ITGA8: variants seen among roughly 807,000 people sequenced by gnomAD.
ITGA8 encodes integrin alpha-8.
In ITGA8, 91 loss-of-function variants were observed where a neutral mutation model predicts 142.3. That is an observed-to-expected ratio of 0.64 (90% confidence interval 0.54 to 0.76). ITGA8 has a LOEUF of 0.76. Ranked by LOEUF, ITGA8 falls within the 30% of genes least tolerant of loss-of-function variation. The pLI is 0.00. For synonymous variants in ITGA8, 505 were observed against 485.2 expected (o/e 1.04, Z -0.54); for missense variants, 1,406 against 1,327.7 (o/e 1.06, Z -0.92).
intron 4 of ITGA8, 119 bp downstream of exon 4, chr10:15,683,885 G>A (rs1242652005): frequency 9.2e-6 from 11 of 1,195,072 alleles, no homozygotes; most frequent in Middle Eastern, 2.0e-4. Context: ...ACCTACCCCC[G>A]AAGCTTTTTC....
chr10:15,562,824 G>T (rs1834008078), intron 25 of ITGA8, among the ~76,000 whole-genome samples: 1 of 152,100 alleles, frequency 6.6e-6, no homozygotes, highest in Non-Finnish European at 1.5e-5. Context: ...TGAGGAGGAG[G>T]GGAAGCCCCA....
chr10:15,658,993 C>T lies in ITGA8; in HGVS notation c.948+6G>A, dbSNP rs1265115863. Reference sequence around the variant, plus strand: ...TTTTATTTATTTGATATTAAAATGTCTCTACCTGTTCTCCCGTGAAATTCT... The same window carrying T: ...TTTTATTTATTTGATATTAAAATGTTTCTACCTGTTCTCCCGTGAAATTCT... On this transcript the variant is annotated splice_donor_region_variant and intron_variant, in intron 10 of 29. Coordinates refer to ENST00000378076, the MANE Select transcript of ITGA8 (RefSeq NM_003638.3). The T allele has an allele frequency of 3.2e-6, 5 of 1,565,050 alleles. No homozygotes were observed. Among genetic ancestry groups the T allele is most frequent in the African/African-American group, 1.4e-5 (1 of 73,722 alleles).
chr10:15,646,725 T>C (rs755586724), intron 12 of ITGA8, 121 bp downstream of exon 12: 18 of 640,256 alleles, frequency 2.8e-5, no homozygotes, highest in Non-Finnish European at 4.8e-5. Flanking sequence ...GATAGTTTAT[T>C]AAAAATCAGT....
intron 22 of ITGA8, 143 bp downstream of exon 22, chr10:15,592,082 C>G (rs995081055): frequency 1.8e-6 from 1 of 547,702 alleles, no homozygotes; most frequent in African/African-American, 1.9e-5. Flanking sequence ...TTGAGAAAAA[C>G]AAAGAAGAAA....
At chr10:15,547,560 A>G (rs752026907) in intron 27 of ITGA8, among the ~76,000 whole-genome samples, 1 of 152,214 alleles carries the variant, frequency 6.6e-6, no homozygotes, top group Non-Finnish European at 1.5e-5. Flanking sequence ...TAACAGAGCA[A>G]GACTCCATCT....
At chr10:15,593,666 T>C (rs1193707106) in intron 21 of ITGA8, among the ~76,000 whole-genome samples, 2 of 152,040 alleles carry the variant, frequency 1.3e-5, no homozygotes, top group Non-Finnish European at 2.9e-5. Context: ...TCACCAGCCC[T>C]TGCCGAATGT....
chr10:15,520,063 T>C (rs1352308930), intron 28 of ITGA8, among the ~76,000 whole-genome samples: 1 of 152,190 alleles, frequency 6.6e-6, no homozygotes, highest in Non-Finnish European at 1.5e-5. Flanking sequence ...GTAACTGTAG[T>C]GTGCAAAGTG....
chr10:15,527,443 G>T (rs1445157343), intron 28 of ITGA8, among the ~76,000 whole-genome samples: 1 of 152,122 alleles, frequency 6.6e-6, no homozygotes, highest in Non-Finnish European at 1.5e-5. Flanking sequence ...TACTTGTATG[G>T]CATGCAAAGG....
chr10:15,594,726 G>T (rs1290330027), intron 21 of ITGA8, among the ~76,000 whole-genome samples: 1 of 152,140 alleles, frequency 6.6e-6, no homozygotes, highest in Non-Finnish European at 1.5e-5. Flanking sequence ...AGGTTGCAGT[G>T]AGCCGAGATT....
At chr10:15,599,990 G>A (rs1833075914) in intron 20 of ITGA8, among the ~76,000 whole-genome samples, 1 of 152,100 alleles carries the variant, frequency 6.6e-6, no homozygotes, top group Non-Finnish European at 1.5e-5. Context: ...GTTTGAACTT[G>A]CTTCGGCTAC....
At position 15,549,097 on chromosome 10, in the gene ITGA8, A is replaced by C. The variant is rs147011303; in HGVS notation, c.2767-529T>G. Among the ~76,000 whole-genome samples, 27 of 152,200 alleles carry C rather than the reference A, an allele frequency of 1.8e-4. No individual in the cohort carries two copies. In the South Asian group the frequency reaches 4.8e-3, roughly 27 times the overall value. On this transcript the variant is annotated intron_variant, in intron 26 of 29. Coordinates refer to ENST00000378076, the MANE Select transcript of ITGA8 (RefSeq NM_003638.3). ...GGTTTCTAGAATTGCCCAGCGTATA[A>C]TGAATAACCTTTAATATATGAAATG...
intron 21 of ITGA8, 42 bp from the exon 22 acceptor site, chr10:15,592,346 A>G (rs1348228656): frequency 7.1e-7 from 1 of 1,402,806 alleles, no homozygotes; most frequent in East Asian, 2.3e-5. Flanking sequence ...GCTTGTACAC[A>G]ACATAAAAAT....
chr10:15,716,564 T>G (rs1835455573), intron 2 of ITGA8, among the ~76,000 whole-genome samples: 5 of 152,234 alleles, frequency 3.3e-5, no homozygotes, highest in Admixed American at 2.6e-4. Flanking sequence ...CTGTGGGCTA[T>G]TCTGGAAACC....
At chr10:15,624,501 C>G (rs1833546845) in intron 13 of ITGA8, among the ~76,000 whole-genome samples, 2 of 152,294 alleles carry the variant, frequency 1.3e-5, no homozygotes, top group East Asian at 1.9e-4. Context: ...GATTTAGGGA[C>G]TCCTTGTGCC....
At chr10:15,710,576 T>A (rs911685929) in intron 2 of ITGA8, among the ~76,000 whole-genome samples, 1 of 152,168 alleles carries the variant, frequency 6.6e-6, no homozygotes, top group Non-Finnish European at 1.5e-5. Context: ...GAGGACATGG[T>A]GCAGGGTGTG....
chr10:15,532,693 T>C (rs11813586), intron 27 of ITGA8, among the ~76,000 whole-genome samples: 29,670 of 152,058 alleles, frequency 0.2, 3,952 homozygotes, highest in African/African-American at 0.38. Context: ...ATCTACCCAG[T>C]GCTGGGTCCT....
At chr10:15,517,323 T>C (rs1032336367) in intron 29 of ITGA8, 79 bp from the exon 30 acceptor site, 38 of 991,484 alleles carry the variant, frequency 3.8e-5, no homozygotes, top group Non-Finnish European at 5.3e-5. Flanking sequence ...ATTTTCACTT[T>C]ATGTATTTTT....
chr10:15,688,453 AAAG>A (rs1834874355), intron 2 of ITGA8, among the ~76,000 whole-genome samples: 2 of 152,184 alleles, frequency 1.3e-5, no homozygotes, highest in South Asian at 4.1e-4. Flanking sequence ...CCTGGGCGAC[AAAG>A]TAAGACTCTG....
At chr10:15,685,871 T>A (rs532947760) in intron 3 of ITGA8, among the ~76,000 whole-genome samples, 2 of 151,464 alleles carry the variant, frequency 1.3e-5, no homozygotes, top group Non-Finnish European at 2.9e-5. Flanking sequence ...TGTATGGAAA[T>A]CTTCTTCAAG....
Sources: allele counts gnomAD v4.1 joint callset (sites outside exome capture counted in the v4.1 genomes callset), GRCh38; gene constraint gnomAD v4.1.1; transcripts MANE v1.5; gene names NCBI Gene and HGNC (gene_info 2026-07-23, HGNC 2026-07-21).